Variants in DNAI1 observed in about 807,000 individuals in gnomAD.
DNAI1 encodes the protein dynein, axonemal, intermediate polypeptide 1.
Under a neutral mutation model 92.0 loss-of-function variants are expected in DNAI1, and 67 were observed. That is an observed-to-expected ratio of 0.73 (90% confidence interval 0.60 to 0.89). The LOEUF (loss-of-function observed/expected upper bound fraction) is 0.89, where lower values mean the gene tolerates loss of function less well. DNAI1 is among the 40% of genes least tolerant of loss of function. The pLI is 0.00. For missense variants in DNAI1, 839 were observed against 866.6 expected (o/e 0.97, Z 0.40); for synonymous variants, 323 against 319.6 (o/e 1.01, Z -0.11).
chr9:34,513,476 G>A lies in DNAI1; in HGVS notation c.1569+285G>A, dbSNP rs141811266. On this transcript the variant is annotated intron_variant, in intron 16 of 19. Transcript: ENST00000242317. ...GGAGTTGAGGTAGAAGGGGGGATTC[G>A]GAGGAGTTAGAATATTTTGGGAAAA... is the stretch of plus-strand genomic sequence containing the variant. Among the ~76,000 whole-genome samples, 152 of 152,254 alleles carry A rather than the reference G, an allele frequency of 1.0e-3. 2 individuals are homozygous for A. Among genetic ancestry groups the A allele is most frequent in the African/African-American group, 3.4e-3 (142 of 41,556 alleles).
At chr9:34,513,874 A>C (rs1281150309) in intron 16 of DNAI1, among the ~76,000 whole-genome samples, 19 of 151,070 alleles carry the variant, frequency 1.3e-4, no homozygotes, top group Admixed American at 1.3e-3. Flanking sequence ...AGAAAGGGGC[A>C]TGCTGGTCAG....
chr9:34,487,918 T>G (rs1164560742), intron 4 of DNAI1: 1 of 222,748 alleles, frequency 4.5e-6, no homozygotes, highest in African/African-American at 2.4e-5. Flanking sequence ...ATGGTTCTGA[T>G]CTAGGCATGC....
Position 34,458,923 on chromosome 9 carries a change from G to T in DNAI1, c.-83G>T, listed in dbSNP as rs766124282. On this transcript the variant is annotated 5_prime_UTR_variant, in exon 1 of 20. Coordinates refer to ENST00000242317, the MANE Select transcript of DNAI1 (RefSeq NM_012144.4). The surrounding 1 kb of genome is among the most constrained non-coding windows in gnomAD (Gnocchi z 6.6). Reference sequence around the variant, plus strand: ...GGTAACTGAAGTGGAAGAGAGTCCAGATTTCTTGTGTGTGGTCAAGGAGAC... The same window carrying T: ...GGTAACTGAAGTGGAAGAGAGTCCATATTTCTTGTGTGTGGTCAAGGAGAC... 5.5e-6 allele frequency: 7 copies of T among 1,283,294 alleles called. No individual in the cohort carries two copies. Among genetic ancestry groups the T allele is most frequent in the East Asian group, 4.6e-5 (2 of 43,296 alleles). The allele number at this position is 1,283,294 out of a possible 1,614,324, so 79.5% of individuals were successfully genotyped here. A position where few individuals can be genotyped will look rare whatever the true frequency, so the allele number is the denominator to read the frequency against.
chr9:34,494,098 C>T (rs767232934), intron 9 of DNAI1, among the ~76,000 whole-genome samples: 27 of 151,936 alleles, frequency 1.8e-4, no homozygotes, highest in Non-Finnish European at 3.1e-4. Context: ...CTTGCAGTGG[C>T]GTGGGAGGGA....
intron 8 of DNAI1, among the ~76,000 whole-genome samples, chr9:34,492,493 G>T (rs1316935843): frequency 1.2e-4 from 8 of 68,266 alleles, no homozygotes; most frequent in Non-Finnish European, 2.1e-4. Flanking sequence ...GGGATATGAA[G>T]ATATATATAT....
intron 10 of DNAI1, among the ~76,000 whole-genome samples, chr9:34,497,461 C>T (rs970785149): frequency 6.6e-5 from 10 of 152,360 alleles, no homozygotes; most frequent in African/African-American, 2.2e-4. Context: ...CCAATCTCAT[C>T]TTCCTGATAA....
At chr9:34,503,230 G>T (rs1472474290) in intron 12 of DNAI1, among the ~76,000 whole-genome samples, 1 of 152,180 alleles carries the variant, frequency 6.6e-6, no homozygotes, top group Non-Finnish European at 1.5e-5. Context: ...AACCAGGCTG[G>T]CTGAGACTCA....
At chr9:34,468,302 C>T (rs554353514) in intron 1 of DNAI1, among the ~76,000 whole-genome samples, 96 of 151,976 alleles carry the variant, frequency 6.3e-4, no homozygotes, top group African/African-American at 1.8e-3. Context: ...CTGCCTCAGC[C>T]TCCCGAGTAG....
At position 34,480,606 on chromosome 9, in the gene DNAI1, C is replaced by G. The variant is rs977325199; in HGVS notation, c.49-2842C>G. Among the ~76,000 whole-genome samples the G allele has an allele frequency of 5.3e-5, 8 of 152,210 alleles. No individual in the cohort carries two copies. In the South Asian group the frequency reaches 1.7e-3, roughly 32 times the overall value. On this transcript the variant is annotated intron_variant, in intron 1 of 19. Coordinates refer to ENST00000242317, the MANE Select transcript of DNAI1 (RefSeq NM_012144.4). ...TGTTTTCTTCTGAAAAACATTTTCT[C>G]CACCTAGACAATGCATACTTGTCCT...
intron 1 of DNAI1, among the ~76,000 whole-genome samples, chr9:34,472,091 A>G (rs953252848): frequency 2.6e-5 from 4 of 152,324 alleles, no homozygotes; most frequent in East Asian, 1.9e-4. Flanking sequence ...ATGGAACTCA[A>G]TTGCCTTGCA....
chr9:34,504,638 C>A (rs1824890243), intron 12 of DNAI1, among the ~76,000 whole-genome samples: 1 of 152,220 alleles, frequency 6.6e-6, no homozygotes, highest in South Asian at 2.1e-4. Context: ...GTCTCTAAGG[C>A]CTTGCTCTTA....
At chr9:34,480,083 G>A (rs1326973422) in intron 1 of DNAI1, among the ~76,000 whole-genome samples, 1 of 152,120 alleles carries the variant, frequency 6.6e-6, no homozygotes, top group Non-Finnish European at 1.5e-5. Context: ...CCTTTCCAAT[G>A]TGCCATGCTG....
intron 19 of DNAI1, among the ~76,000 whole-genome samples, chr9:34,518,551 G>A (rs574487074): frequency 1.3e-5 from 2 of 152,218 alleles, no homozygotes; most frequent in African/African-American, 4.8e-5. Flanking sequence ...GGAGGGAGTC[G>A]GGCGTGGTCT....
chr9:34,500,351 C>G (rs1233760489), intron 10 of DNAI1, among the ~76,000 whole-genome samples: 1 of 152,090 alleles, frequency 6.6e-6, no homozygotes, highest in Non-Finnish European at 1.5e-5. Context: ...CAGCTGAACC[C>G]TTGAAATTTG....
intron 12 of DNAI1, among the ~76,000 whole-genome samples, chr9:34,505,948 AAG>A (rs1468673231): frequency 3.3e-5 from 5 of 152,174 alleles, no homozygotes; most frequent in African/African-American, 4.8e-5. Context: ...AAATGAAAGA[AAG>A]AGTGGGAGGC....
rs151097256 is a variant in DNAI1 at position 34,506,736 on chromosome 9, C to G, written c.1173C>G (p.Ile391Met). The G allele has an allele frequency of 1.2e-4, 189 of 1,614,078 alleles. 1 individual carries two copies. The African/African-American group carries it at 1.9e-3, about 17-fold the overall frequency. The change falls in exon 13 of 20, where the codon ATC becomes ATG. Residue 391 changes from isoleucine to methionine, a missense_variant. By Grantham distance (10) the Ile-to-Met change is conservative. Transcript: ENST00000242317. ...SSNSGVMCLDIHVDHPYLVAV... is the reference protein window; with the variant it reads ...SSNSGVMCLDMHVDHPYLVAV... ...ACAGCGGCGTCATGTGTCTCGACAT[C>G]CACGTGGACCACCCCTACCTGGTGG...
intron 10 of DNAI1, among the ~76,000 whole-genome samples, chr9:34,499,620 T>G (rs1388675379): frequency 6.6e-6 from 1 of 152,118 alleles, no homozygotes. Context: ...AGGAAGAAAT[T>G]AACTCTGCTC....
chr9:34,489,486 G>C (rs1281953627), intron 5 of DNAI1, 37 bp downstream of exon 5: 7 of 1,611,334 alleles, frequency 4.3e-6, no homozygotes, highest in Non-Finnish European at 5.9e-6. Context: ...ACAGCCCTGA[G>C]CCTGTTCCCC....
intron 1 of DNAI1, among the ~76,000 whole-genome samples, chr9:34,460,109 T>C (rs889291290): frequency 1.3e-5 from 2 of 152,204 alleles, no homozygotes; most frequent in Non-Finnish European, 2.9e-5. Context: ...TATTACCACC[T>C]GGACAGATGT....
Sources: allele counts gnomAD v4.1 joint callset (sites outside exome capture counted in the v4.1 genomes callset), GRCh38; gene constraint gnomAD v4.1.1; non-coding constraint Gnocchi (gnomAD v3.1); transcripts MANE v1.5; gene names NCBI Gene and HGNC (gene_info 2026-07-23, HGNC 2026-07-21).